Variants in CPEB3 observed in about 807,000 individuals in gnomAD.
CPEB3 encodes the protein cytoplasmic polyadenylation element-binding protein 3.
A neutral mutation model predicts 67.2 loss-of-function variants in CPEB3; 20 were observed. The ratio of observed to expected loss-of-function variants is 0.30; its 90% CI spans 0.21 to 0.43. The LOEUF is 0.43. Ranked by LOEUF, CPEB3 falls within the 20% of genes least tolerant of loss-of-function variation. The pLI is 1.00. For synonymous variants in CPEB3, 376 were observed against 393.1 expected, an observed-to-expected ratio of 0.96 and a Z score of 0.51; for missense variants, 746 against 968.6, an observed-to-expected ratio of 0.77 and a Z score of 3.05.
intron 2 of CPEB3, among the ~76,000 whole-genome samples, chr10:92,214,643 T>A (rs921479518): frequency 6.6e-6 from 1 of 151,918 alleles, no homozygotes. Flanking sequence ...CCACGACATC[T>A]GGCTAATTTT....
intron 2 of CPEB3, among the ~76,000 whole-genome samples, chr10:92,231,832 GC>G (rs923689142): frequency 1.3e-5 from 2 of 151,922 alleles, no homozygotes; most frequent in Non-Finnish European, 2.9e-5. Flanking sequence ...TGATTCTCCT[GC>G]CTCAGCCTCC....
chr10:92,251,036 T>C (rs1467088619), intron 1 of CPEB3, among the ~76,000 whole-genome samples: 6 of 152,048 alleles, frequency 3.9e-5, no homozygotes, highest in Non-Finnish European at 5.9e-5. Context: ...CAGCCTATAC[T>C]GTATTTTTAC....
rs1852191097 is a variant in CPEB3 at position 92,048,920 on chromosome 10, A to G, written c.*3292T>C. 1 of 152,654 alleles carries G rather than the reference A, an allele frequency of 6.6e-6. No homozygotes were observed. Among genetic ancestry groups the G allele is most frequent in the African/African-American group, 2.4e-5 (1 of 41,468 alleles). The allele number at this position is 152,654 out of a possible 1,614,324, so 9.5% of individuals were successfully genotyped here. On this transcript the variant is annotated 3_prime_UTR_variant, in exon 10 of 10. Transcript: ENST00000265997. This position sits in a 1 kb window ranked among gnomAD's most constrained non-coding sequence, Gnocchi z 4.1. The stretch of plus-strand genomic sequence containing the variant: ...AAAATAATATTATGACATTGACCAG[A>G]TATGAAAGTCCCTCCCAGAAACAAC...
intron 3 of CPEB3, among the ~76,000 whole-genome samples, chr10:92,186,701 C>T (rs1399649643): frequency 6.6e-6 from 1 of 152,156 alleles, no homozygotes; most frequent in Admixed American, 6.5e-5. Context: ...TCCCAAAGTG[C>T]TGGGATTATA....
chr10:92,143,090 A>C lies in CPEB3; in HGVS notation c.1392T>G (p.Phe464Leu). The C allele has an allele frequency of 6.2e-7, 1 of 1,613,628 alleles. No individual in the cohort carries two copies. Among genetic ancestry groups the C allele is most frequent in the Non-Finnish European group, 8.5e-7 (1 of 1,179,740 alleles). The change falls in exon 6 of 10, where the codon TTT (phenylalanine) becomes TTG (leucine). Residue 464 changes from phenylalanine to leucine, a missense_variant. Around this residue, in one of 2 missense-constraint regions of CPEB3, gnomAD observed 643 missense variants for 717.5 expected, o/e 0.90. Coordinates refer to ENST00000265997, the MANE Select transcript of CPEB3 (RefSeq NM_014912.5). The part of the protein sequence containing the change: ...EDEITASFRR[F>L]GPLVVDWPHK... ...GAGGCCAGTCTACTACGAGAGGTCC[A>C]AACCTGCGAAAGCTGGCAGTGATCT...
intron 7 of CPEB3, among the ~76,000 whole-genome samples, chr10:92,094,106 C>T (rs1344200040): frequency 2.6e-5 from 4 of 151,924 alleles, no homozygotes; most frequent in African/African-American, 7.2e-5. Context: ...CCGCCCACCT[C>T]GGCCTCCCAA....
At chr10:92,072,229 T>C (rs1166817900) in intron 9 of CPEB3, among the ~76,000 whole-genome samples, 3 of 152,228 alleles carry the variant, frequency 2.0e-5, no homozygotes, top group Non-Finnish European at 4.4e-5. Flanking sequence ...TACATGCATG[T>C]CTTGACTAAC....
chr10:92,048,834 TG>T lies in CPEB3; in HGVS notation c.*3377del, dbSNP rs1852187847. ...TTTTAGCTTCAAAAATAACTGAAAA[TG>T]AAAAAAATAAACTTTTAAAGAATTA... On this transcript the variant is annotated 3_prime_UTR_variant, in exon 10 of 10. Coordinates refer to ENST00000265997, the MANE Select transcript of CPEB3 (RefSeq NM_014912.5). This position sits in a 1 kb window ranked among gnomAD's most constrained non-coding sequence, Gnocchi z 4.1. 1 of 152,386 alleles carries T rather than the reference TG, an allele frequency of 6.6e-6. No individual in the cohort carries two copies. The allele number at this position is 152,386 out of a possible 1,614,324, so 9.4% of individuals were successfully genotyped here. A position where few individuals can be genotyped will look rare whatever the true frequency, so the allele number is the denominator to read the frequency against.
chr10:92,289,084 A>T (rs1842669691), intron 1 of CPEB3, among the ~76,000 whole-genome samples: 1 of 151,988 alleles, frequency 6.6e-6, no homozygotes, highest in Admixed American at 6.6e-5. Context: ...CTCTGCCAAA[A>T]ATACAAAAGT....
chr10:92,289,749 A>ATG (rs1269512719), intron 1 of CPEB3, among the ~76,000 whole-genome samples: 30 of 114,992 alleles, frequency 2.6e-4, no homozygotes, highest in African/African-American at 1.4e-3. Context: ...ATATATATAT[A>ATG]TATATATATG....
intron 4 of CPEB3, among the ~76,000 whole-genome samples, chr10:92,167,582 G>A (rs1015836779): frequency 6.6e-6 from 1 of 152,128 alleles, no homozygotes; most frequent in Admixed American, 6.6e-5. Context: ...TCTCCTACAA[G>A]TGCAGTTCAT....
Position 92,192,486 on chromosome 10 carries a change from G to A in CPEB3, c.1156C>T (p.His386Tyr), listed in dbSNP as rs1265013892. 1 of 1,612,242 alleles carries A rather than the reference G, an allele frequency of 6.2e-7. No homozygotes were observed. Among genetic ancestry groups the A allele is most frequent in the Non-Finnish European group, 8.5e-7 (1 of 1,179,560 alleles). The change falls in exon 3 of 10, where the codon CAT (histidine) becomes TAT (tyrosine). Residue 386 changes from histidine (H) to tyrosine (Y), a missense_variant. By Grantham distance (83) the His-to-Tyr change is moderately conservative. Around this residue, in one of 2 missense-constraint regions of CPEB3, gnomAD observed 643 missense variants for 717.5 expected, o/e 0.90. Coordinates refer to ENST00000265997, the MANE Select transcript of CPEB3 (RefSeq NM_014912.5). ...MSFADIMWRN[H>Y]FAGRMGINFH... is the part of the protein sequence containing the mutation. ...TATGAATATTCCTAACCTGCAAAAT[G>A]ATTCCTCCACATTATATCAGCGAAA...
chr10:92,113,055 A>C (rs918719305), intron 6 of CPEB3, among the ~76,000 whole-genome samples: 1 of 152,200 alleles, frequency 6.6e-6, no homozygotes, highest in East Asian at 1.9e-4. Flanking sequence ...AGCAGAAAAA[A>C]AGACCAGCCA....
At position 92,199,454 on chromosome 10, in the gene CPEB3, A is replaced by T. The variant is rs539849035; in HGVS notation, c.1006-6818T>A. Among the ~76,000 whole-genome samples the T allele has an allele frequency of 2.6e-5, 4 of 151,242 alleles. No individual in the cohort carries two copies. The East Asian group carries it at 7.8e-4, about 29-fold the overall frequency. On this transcript the variant is annotated intron_variant, in intron 2 of 9. Coordinates refer to ENST00000265997, the MANE Select transcript of CPEB3 (RefSeq NM_014912.5). ...ATGCCTATAATCCCAGCACTTTGGC[A>T]GGCTGGATCAAGTAGATCAAGAGGT...
chr10:92,181,367 CAAAA>C, intron 3 of CPEB3, among the ~76,000 whole-genome samples: 1 of 95,424 alleles, frequency 1.0e-5, no homozygotes, highest in South Asian at 3.5e-4. Flanking sequence ...ATTCAAGCAG[CAAAA>C]AAAAAAAAAA....
At chr10:92,162,428 T>A (rs1440743375) in intron 4 of CPEB3, among the ~76,000 whole-genome samples, 1 of 152,178 alleles carries the variant, frequency 6.6e-6, no homozygotes, top group Non-Finnish European at 1.5e-5. Context: ...GTACTGTTTG[T>A]ATTTGAATAG....
At chr10:92,217,206 CAAAAAAAAAAAAA>C (rs1163974877) in intron 2 of CPEB3, among the ~76,000 whole-genome samples, 1 of 25,436 alleles carries the variant, frequency 3.9e-5, no homozygotes, top group Non-Finnish European at 6.3e-5. Context: ...GACTCTGCCT[CAAAAAAAAAAAAA>C]AAAAAAAAAA....
chr10:92,101,856 C>T (rs1452963506), intron 7 of CPEB3, among the ~76,000 whole-genome samples: 2 of 152,020 alleles, frequency 1.3e-5, no homozygotes, highest in Admixed American at 6.6e-5. Context: ...TGCAGTGAGC[C>T]GAGATTATGC....
chr10:92,230,964 A>T (rs1851238903), intron 2 of CPEB3, among the ~76,000 whole-genome samples: 1 of 152,222 alleles, frequency 6.6e-6, no homozygotes, highest in Non-Finnish European at 1.5e-5. Flanking sequence ...AAGGAGATTC[A>T]AATTAGACCT....
Sources: gnomAD v4.1 joint callset for allele counts (sites outside exome capture counted in the v4.1 genomes callset) on GRCh38, gnomAD v4.1.1 for gene constraint, gnomAD v4.1.1 regional missense constraint, Gnocchi (gnomAD v3.1) non-coding constraint, MANE v1.5 for transcripts, NCBI Gene and HGNC (gene_info 2026-07-23, HGNC 2026-07-21) for gene names.